GPHN: variants seen among roughly 807,000 people sequenced by gnomAD.
The protein encoded by GPHN is gephyrin.
A neutral mutation model predicts 95.5 loss-of-function variants in GPHN; 17 were observed. That is an observed-to-expected ratio of 0.18 (90% CI 0.12 to 0.27). The LOEUF is 0.27. Ranked by LOEUF, GPHN falls within the 10% of genes least tolerant of loss-of-function variation. The pLI is 1.00. For missense variants in GPHN, 660 were observed against 978.1 expected, an observed-to-expected ratio of 0.67 and a Z score of 4.34; for synonymous variants, 320 against 322.5, an observed-to-expected ratio of 0.99 and a Z score of 0.08.
At chr14:67,225,220 C>T in the GPHN span, 3 of 1,527,894 alleles carry the variant, frequency 2.0e-6, no homozygotes, top group East Asian at 2.4e-5. Context: ...AAAAGTAAAA[C>T]AGAAAAAGAC....
the GPHN span, chr14:67,445,934 G>A: frequency 2.2e-6 from 1 of 453,650 alleles, no homozygotes; most frequent in South Asian, 1.6e-5. Context: ...CAGTTTGCTT[G>A]TGGCTAATGT....
At chr14:67,436,639 C>T in the GPHN span, among the ~76,000 whole-genome samples, 1 of 152,334 alleles carries the variant, frequency 6.6e-6, no homozygotes, top group East Asian at 1.9e-4. Flanking sequence ...CTCACTGCCA[C>T]GCCCAGTCCT....
chr14:67,185,667 A>G (rs945874690), downstream of GPHN, among the ~76,000 whole-genome samples: 3 of 152,230 alleles, frequency 2.0e-5, no homozygotes, highest in Non-Finnish European at 2.9e-5. Flanking sequence ...AATGAAAAAA[A>G]TAACATAAGC....
chr14:66,545,778 C>T (rs1156499497), intron 1 of GPHN, among the ~76,000 whole-genome samples: 1 of 147,478 alleles, frequency 6.8e-6, no homozygotes, highest in Admixed American at 6.7e-5. Context: ...GCTGGCCGGG[C>T]AGAGGGGCTC....
chr14:67,600,264 G>T, the GPHN span: 106 of 1,374,620 alleles, frequency 7.7e-5, no homozygotes, highest in African/African-American at 3.0e-4. Context: ...GGCCCTGGCC[G>T]TCTCGCCCGC....
chr14:67,676,051 C>A, the GPHN span, among the ~76,000 whole-genome samples: 1 of 152,112 alleles, frequency 6.6e-6, no homozygotes, highest in Non-Finnish European at 1.5e-5. Context: ...GAGCTGAGAT[C>A]GTGCCACCAC....
the GPHN span, chr14:67,467,383 G>C: frequency 3.3e-5 from 5 of 152,150 alleles, no homozygotes; most frequent in Non-Finnish European, 7.3e-5. Context: ...GACAGCCAGG[G>C]GCCCAGGTTT....
At chr14:67,473,519 G>A in the GPHN span, 1 of 1,614,158 alleles carries the variant, frequency 6.2e-7, no homozygotes, top group Non-Finnish European at 8.5e-7. The surrounding 1 kb of genome is among the most constrained non-coding windows in gnomAD (Gnocchi z 6.5). Context: ...TGTTGCGGAT[G>A]ATGAACTGCT....
chr14:67,598,160 A>G, the GPHN span, among the ~76,000 whole-genome samples: 1 of 152,184 alleles, frequency 6.6e-6, no homozygotes, highest in African/African-American at 2.4e-5. Flanking sequence ...CATTCCAGAT[A>G]TTCATTACTC....
chr14:66,636,510 TA>T (rs2064105379), intron 1 of GPHN, among the ~76,000 whole-genome samples: 2 of 152,148 alleles, frequency 1.3e-5, no homozygotes, highest in Admixed American at 1.3e-4. Context: ...ATAATAAAAA[TA>T]AAAAACTATA....
the GPHN span, among the ~76,000 whole-genome samples, chr14:67,583,196 A>G: frequency 6.6e-6 from 1 of 152,354 alleles, no homozygotes; most frequent in Non-Finnish European, 1.5e-5. Context: ...ATCTTTATAA[A>G]TATCAATAGG....
intron 2 of GPHN, among the ~76,000 whole-genome samples, chr14:66,692,462 A>T (rs1032091596): frequency 6.6e-6 from 1 of 152,200 alleles, no homozygotes; most frequent in Non-Finnish European, 1.5e-5. Context: ...ATATCTGCAG[A>T]TACACTATCT....
intron 2 of GPHN, among the ~76,000 whole-genome samples, chr14:66,694,836 G>C (rs2068011624): frequency 1.3e-5 from 2 of 152,090 alleles, no homozygotes; most frequent in African/African-American, 4.8e-5. Context: ...AAATATACAA[G>C]AACTCCTAAA....
intron 2 of GPHN, among the ~76,000 whole-genome samples, chr14:66,686,940 GT>G (rs1428596949): frequency 1.3e-5 from 2 of 152,106 alleles, no homozygotes; most frequent in African/African-American, 4.8e-5. Flanking sequence ...TACCTAATTT[GT>G]TGAGAGTTTT....
intron 1 of GPHN, among the ~76,000 whole-genome samples, chr14:66,557,613 G>T (rs1566599759): frequency 6.6e-6 from 1 of 152,012 alleles, no homozygotes; most frequent in South Asian, 2.1e-4. Flanking sequence ...AATTATTAAA[G>T]GTATATATAA....
At chr14:67,580,777 T>C in the GPHN span, 12 of 582,532 alleles carry the variant, frequency 2.1e-5, no homozygotes, top group Non-Finnish European at 3.7e-5. Context: ...TGCTGCCACC[T>C]TGGGTCCAGG....
intron 4 of GPHN, among the ~76,000 whole-genome samples, chr14:66,826,821 C>A (rs146712311): frequency 2.4e-4 from 37 of 152,220 alleles, no homozygotes; most frequent in African/African-American, 7.9e-4. Flanking sequence ...TCCCATTGTT[C>A]CAAGATATTT....
intron 1 of GPHN, among the ~76,000 whole-genome samples, chr14:66,638,400 A>G (rs975051592): frequency 1.3e-5 from 2 of 152,120 alleles, no homozygotes; most frequent in Non-Finnish European, 2.9e-5. Flanking sequence ...CACCATTGCA[A>G]TCCAGCCTGG....
At chr14:67,390,583 C>T in the GPHN span, 10 of 1,010,414 alleles carry the variant, frequency 9.9e-6, no homozygotes, top group East Asian at 2.4e-5. Context: ...GATATCCAGC[C>T]AGCTGCCCGC....
Sources: gnomAD v4.1 joint callset for allele counts (sites outside exome capture counted in the v4.1 genomes callset) on GRCh38, gnomAD v4.1.1 for gene constraint, Gnocchi (gnomAD v3.1) non-coding constraint, MANE v1.5 for transcripts, NCBI Gene and HGNC (gene_info 2026-07-23, HGNC 2026-07-21) for gene names.